Variants in OXR1 observed in about 807,000 individuals in gnomAD.
The protein encoded by OXR1 is oxidation resistance 1, also known as oxidation resistance protein 1.
In OXR1, 41 loss-of-function variants were observed where a neutral mutation model predicts 104.6. The ratio of observed to expected loss-of-function variants is 0.39; its 90% CI spans 0.31 to 0.51. The LOEUF is 0.51. OXR1 is among the 20% of genes least tolerant of loss of function. The pLI, the probability that OXR1 is intolerant of heterozygous loss-of-function variation, is 0.77. For synonymous variants in OXR1, 348 were observed against 348.4 expected (o/e 1.00, Z 0.01); for missense variants, 955 against 1,031.9 (o/e 0.93, Z 1.02).
intron 1 of OXR1, among the ~76,000 whole-genome samples, chr8:106,330,923 T>G (rs1276822448): frequency 6.6e-6 from 1 of 152,194 alleles, no homozygotes; most frequent in Non-Finnish European, 1.5e-5. Flanking sequence ...TTCCCTGATT[T>G]CCATAGCCAG....
intron 8 of OXR1, among the ~76,000 whole-genome samples, chr8:106,703,506 G>C (rs963826900): frequency 3.5e-4 from 53 of 150,898 alleles, no homozygotes; most frequent in Admixed American, 4.0e-4. Flanking sequence ...CATTGCTGTG[G>C]GCAAGACAGC....
At chr8:106,531,886 G>A (rs982319331) in intron 3 of OXR1, among the ~76,000 whole-genome samples, 3 of 152,152 alleles carry the variant, frequency 2.0e-5, no homozygotes, top group African/African-American at 7.2e-5. Context: ...GGGATGGAAT[G>A]GGGATAGCCA....
intron 3 of OXR1, among the ~76,000 whole-genome samples, chr8:106,556,755 G>A (rs1621535): frequency 6.6e-6 from 1 of 152,060 alleles, no homozygotes; most frequent in African/African-American, 2.4e-5. Context: ...CTAATGCCAA[G>A]TCTGTTTTAC....
chr8:106,500,424 T>C (rs1436228335), intron 2 of OXR1, among the ~76,000 whole-genome samples: 1 of 152,212 alleles, frequency 6.6e-6, no homozygotes, highest in Non-Finnish European at 1.5e-5. Context: ...CCCTGTTCTG[T>C]TTCTCTCTGA....
intron 3 of OXR1, among the ~76,000 whole-genome samples, chr8:106,675,653 G>T (rs1036891732): frequency 6.6e-6 from 1 of 152,100 alleles, no homozygotes; most frequent in Non-Finnish European, 1.5e-5. Flanking sequence ...ATTTTGCTGT[G>T]GTCCAAGAGA....
chr8:106,517,293 C>T (rs1257000742), intron 2 of OXR1, among the ~76,000 whole-genome samples: 1 of 152,102 alleles, frequency 6.6e-6, no homozygotes, highest in Non-Finnish European at 1.5e-5. Context: ...AGGGCATGCC[C>T]TCTTTTATAT....
chr8:106,331,639 T>G (rs1047665901), intron 1 of OXR1, among the ~76,000 whole-genome samples: 1 of 152,168 alleles, frequency 6.6e-6, no homozygotes, highest in African/African-American at 2.4e-5. Flanking sequence ...ATAGAATATC[T>G]TTAAGATAAT....
intron 2 of OXR1, among the ~76,000 whole-genome samples, chr8:106,406,430 C>T (rs1251219095): frequency 6.6e-6 from 1 of 152,114 alleles, no homozygotes; most frequent in Non-Finnish European, 1.5e-5. Flanking sequence ...TAGCAGCTTT[C>T]TTCATAGTTG....
intron 2 of OXR1, among the ~76,000 whole-genome samples, chr8:106,364,737 A>C (rs1252850038): frequency 6.6e-6 from 1 of 152,230 alleles, no homozygotes; most frequent in African/African-American, 2.4e-5. Flanking sequence ...TTTAATGAAT[A>C]AATGAAGAAG....
intron 2 of OXR1, among the ~76,000 whole-genome samples, chr8:106,456,347 A>G (rs1820595834): frequency 6.6e-6 from 1 of 152,166 alleles, no homozygotes; most frequent in Non-Finnish European, 1.5e-5. Flanking sequence ...ATAGCTTTTT[A>G]TTAAGGATTT....
chr8:106,426,619 C>T (rs1419170935), intron 2 of OXR1, among the ~76,000 whole-genome samples: 3 of 152,094 alleles, frequency 2.0e-5, no homozygotes, highest in African/African-American at 7.2e-5. Context: ...ACCCTAGATA[C>T]AGGTTGTGTG....
At chr8:106,621,616 A>G (rs1453060163) in intron 3 of OXR1, among the ~76,000 whole-genome samples, 1 of 152,152 alleles carries the variant, frequency 6.6e-6, no homozygotes, top group African/African-American at 2.4e-5. Context: ...TTGCAATAGT[A>G]ACTATAAAAC....
In OXR1 at chr8:106,752,630, T is replaced by C. The variant is rs1835964701; in HGVS notation, c.*1689T>C. 1 of 152,564 alleles carries C rather than the reference T, an allele frequency of 6.6e-6. No homozygotes were observed. Among genetic ancestry groups the C allele is most frequent in the African/African-American group, 2.4e-5 (1 of 41,456 alleles). 9.5% of individuals were successfully genotyped at this position (152,564 alleles called of 1,614,324 possible). Reference sequence around the variant, plus strand: ...TAATGATAATTTAAAAATCCTGTAATGGATTTCTACTAAAATAAGGTCATA... The same window carrying C: ...TAATGATAATTTAAAAATCCTGTAACGGATTTCTACTAAAATAAGGTCATA... On this transcript the variant is annotated 3_prime_UTR_variant, in exon 17 of 17. Transcript: ENST00000517566.
chr8:106,687,838 TCA>T (rs1430196120), intron 6 of OXR1, among the ~76,000 whole-genome samples: 1 of 152,156 alleles, frequency 6.6e-6, no homozygotes, highest in Non-Finnish European at 1.5e-5. Context: ...GTGTTTAAGG[TCA>T]CTCAGCTAGT....
At chr8:106,719,828 T>G (rs1587231111) in intron 11 of OXR1, among the ~76,000 whole-genome samples, 1 of 152,124 alleles carries the variant, frequency 6.6e-6, no homozygotes, top group Non-Finnish European at 1.5e-5. Flanking sequence ...TTTTTTGAGA[T>G]GGAGTCTCCG....
At chr8:106,313,727 TA>T (rs1007859560) in intron 1 of OXR1, among the ~76,000 whole-genome samples, 21 of 149,322 alleles carry the variant, frequency 1.4e-4, no homozygotes, top group Admixed American at 6.7e-4. Flanking sequence ...TTGCCAAAAA[TA>T]AAAAAAAAAT....
intron 1 of OXR1, among the ~76,000 whole-genome samples, chr8:106,301,063 G>A (rs1174641418): frequency 2.0e-5 from 3 of 152,064 alleles, no homozygotes; most frequent in Admixed American, 6.6e-5. Context: ...GTGATAAAAC[G>A]CACGTCATAT....
At chr8:106,586,453 CAGG>C (rs1818636863) in intron 3 of OXR1, among the ~76,000 whole-genome samples, 1 of 152,130 alleles carries the variant, frequency 6.6e-6, no homozygotes, top group African/African-American at 2.4e-5. Context: ...GCAGAGAATT[CAGG>C]AGTTTACTTC....
chr8:106,306,603 G>C (rs1813474702), intron 1 of OXR1, among the ~76,000 whole-genome samples: 1 of 152,054 alleles, frequency 6.6e-6, no homozygotes, highest in African/African-American at 2.4e-5. Flanking sequence ...AGAGAAAATG[G>C]TGTACTGTTA....
Sources: allele counts gnomAD v4.1 joint callset (sites outside exome capture counted in the v4.1 genomes callset), GRCh38; gene constraint gnomAD v4.1.1; transcripts MANE v1.5; gene names NCBI Gene and HGNC (gene_info 2026-07-23, HGNC 2026-07-21).